INTS7: variants seen among roughly 807,000 people sequenced by gnomAD.
INTS7 encodes chromosome 1 open reading frame 73.
In INTS7, 46 loss-of-function variants were observed where a neutral mutation model predicts 109.2. The ratio of observed to expected loss-of-function variants is 0.42; its 90% CI spans 0.33 to 0.54. The LOEUF is 0.54. Ranked by LOEUF, INTS7 falls within the 20% of genes least tolerant of loss-of-function variation. The pLI is 0.07. For missense variants in INTS7, 929 were observed against 1,132.4 expected (o/e 0.82, Z 2.58); for synonymous variants, 412 against 402.9 (o/e 1.02, Z -0.27).
At chr1:211,972,303 G>T (rs1664217345) in intron 13 of INTS7, among the ~76,000 whole-genome samples, 1 of 152,058 alleles carries the variant, frequency 6.6e-6, no homozygotes, top group African/African-American at 2.4e-5. Context: ...CGCTAAGCTG[G>T]TTCCTCTGAT....
intron 16 of INTS7, among the ~76,000 whole-genome samples, chr1:211,954,402 T>G (rs1344452424): frequency 6.6e-6 from 1 of 152,232 alleles, no homozygotes; most frequent in Admixed American, 6.5e-5. Flanking sequence ...TTAGTTTAAT[T>G]AGACCCCATT....
At position 211,941,723 on chromosome 1, in the gene INTS7, G is replaced by T. The variant is rs778268152; in HGVS notation, c.*101C>A. 16 of 1,463,494 alleles carry T rather than the reference G, an allele frequency of 1.1e-5. No individual in the cohort carries two copies. Among genetic ancestry groups the T allele is most frequent in the East Asian group, 2.3e-5 (1 of 43,796 alleles). 90.7% of individuals were successfully genotyped at this position (1,463,494 alleles called of 1,614,324 possible). ...ACATTACAAAAATCAATGAATAAAT[G>T]AACTACACTGTAACTTTAATACTTA... is the stretch of plus-strand genomic sequence containing the variant. On this transcript the variant is annotated 3_prime_UTR_variant, in exon 20 of 20. Coordinates refer to ENST00000366994, the MANE Select transcript of INTS7 (RefSeq NM_015434.4).
intron 17 of INTS7, among the ~76,000 whole-genome samples, chr1:211,950,151 CTT>C (rs1413450184): frequency 1.3e-5 from 2 of 152,164 alleles, no homozygotes; most frequent in Non-Finnish European, 2.9e-5. Flanking sequence ...GATCCTGTGT[CTT>C]TGTCATTTTT....
At chr1:212,008,282 T>C (rs1489294537) in intron 5 of INTS7, among the ~76,000 whole-genome samples, 1 of 152,170 alleles carries the variant, frequency 6.6e-6, no homozygotes, top group Non-Finnish European at 1.5e-5. Flanking sequence ...CAGGGTCACA[T>C]CATGCTCATG....
At chr1:212,011,302 G>T in intron 5 of INTS7, 73 bp downstream of exon 5, 2 of 762,140 alleles carry the variant, frequency 2.6e-6, no homozygotes, top group Non-Finnish European at 4.4e-6. Flanking sequence ...CAAATAATAA[G>T]TACTTAATTA....
At chr1:212,005,905 C>T (rs914116938) in intron 7 of INTS7, among the ~76,000 whole-genome samples, 1 of 151,904 alleles carries the variant, frequency 6.6e-6, no homozygotes, top group South Asian at 2.1e-4. Flanking sequence ...GTTTAGAAAA[C>T]AACAAACAAA....
At chr1:212,030,705 G>A (rs1459857783) in intron 1 of INTS7, 2 of 152,146 alleles carry the variant, frequency 1.3e-5, no homozygotes, top group Non-Finnish European at 2.9e-5. Context: ...GCCTACTTCT[G>A]AATCAATCAG....
At chr1:211,996,870 A>T (rs1665415701) in intron 7 of INTS7, among the ~76,000 whole-genome samples, 1 of 151,996 alleles carries the variant, frequency 6.6e-6, no homozygotes, top group African/African-American at 2.4e-5. Context: ...ACAAAAAAAT[A>T]CAAAAATTGG....
intron 16 of INTS7, among the ~76,000 whole-genome samples, chr1:211,963,979 G>C (rs1051682627): frequency 1.2e-4 from 18 of 152,192 alleles, no homozygotes; most frequent in Non-Finnish European, 2.5e-4. Context: ...CATAGTATTG[G>C]AAGTCCTGGC....
chr1:211,951,887 A>T (rs1170360626), intron 17 of INTS7, among the ~76,000 whole-genome samples: 1 of 152,230 alleles, frequency 6.6e-6, no homozygotes, highest in Non-Finnish European at 1.5e-5. Flanking sequence ...GGGTGAGAGT[A>T]TGTTAGCCTG....
intron 7 of INTS7, among the ~76,000 whole-genome samples, chr1:212,000,244 T>C (rs1665606784): frequency 1.3e-5 from 2 of 152,200 alleles, no homozygotes; most frequent in Admixed American, 1.3e-4. Flanking sequence ...ATTTGAGAAG[T>C]AAATTAAATG....
chr1:212,004,775 GA>G (rs1665828329), intron 7 of INTS7, among the ~76,000 whole-genome samples: 1 of 152,096 alleles, frequency 6.6e-6, no homozygotes, highest in African/African-American at 2.4e-5. Flanking sequence ...TGTCATAAGA[GA>G]AAATCCAAAT....
At chr1:211,971,497 T>C (rs184256898) in intron 13 of INTS7, among the ~76,000 whole-genome samples, 1 of 152,250 alleles carries the variant, frequency 6.6e-6, no homozygotes, top group Non-Finnish European at 1.5e-5. Flanking sequence ...AATGGATGAA[T>C]CTTAGGAACA....
chr1:211,946,932 G>A lies in INTS7; in HGVS notation c.2317-227C>T, dbSNP rs1329807245. Among the ~76,000 whole-genome samples the A allele has an allele frequency of 6.6e-6, 1 of 151,970 alleles. No individual in the cohort carries two copies. The highest frequency in any genetic ancestry group is 1.5e-5 in the Non-Finnish European group (1 of 67,996). The stretch of plus-strand genomic sequence containing the variant: ...TCAATAAAATATAAGTGACAGAAAT[G>A]AGAAAATCCACAGTCCTCGAGGCCA... On this transcript the variant is annotated intron_variant, in intron 17 of 19. Coordinates refer to ENST00000366994, the MANE Select transcript of INTS7 (RefSeq NM_015434.4). The surrounding 1 kb of genome is among the most constrained non-coding windows in gnomAD (Gnocchi z 4.3).
At chr1:211,953,867 G>GC (rs199795715) in intron 16 of INTS7, among the ~76,000 whole-genome samples, 1,609 of 152,118 alleles carry the variant, frequency 0.011, 28 homozygotes, top group African/African-American at 0.036. Flanking sequence ...ACATACATGT[G>GC]CATGTGTCTT....
intron 8 of INTS7, among the ~76,000 whole-genome samples, chr1:211,986,089 T>C (rs1177012468): frequency 6.6e-6 from 1 of 152,130 alleles, no homozygotes; most frequent in Non-Finnish European, 1.5e-5. Flanking sequence ...AAGCAAAAGG[T>C]TGACAAATGC....
intron 7 of INTS7, among the ~76,000 whole-genome samples, chr1:211,993,803 A>T (rs1251966737): frequency 6.6e-6 from 1 of 151,984 alleles, no homozygotes; most frequent in Non-Finnish European, 1.5e-5. Context: ...AAATATAAAC[A>T]CACTAAAAAA....
intron 19 of INTS7, 49 bp downstream of exon 19, chr1:211,944,735 T>G: frequency 4.1e-6 from 6 of 1,450,316 alleles, no homozygotes; most frequent in Non-Finnish European, 5.8e-6. Flanking sequence ...CTTCCATCAA[T>G]GAGCTCATAT....
intron 19 of INTS7, among the ~76,000 whole-genome samples, chr1:211,944,259 T>C (rs912965351): frequency 6.6e-6 from 1 of 152,210 alleles, no homozygotes; most frequent in African/African-American, 2.4e-5. Context: ...GACCTCCTGA[T>C]GTAAGAGAGA....
Sources: gnomAD v4.1 joint callset for allele counts (sites outside exome capture counted in the v4.1 genomes callset) on GRCh38, gnomAD v4.1.1 for gene constraint, Gnocchi (gnomAD v3.1) non-coding constraint, MANE v1.5 for transcripts, NCBI Gene and HGNC (gene_info 2026-07-23, HGNC 2026-07-21) for gene names.